The following IL27RA variants were observed in gnomAD, a reference collection of about 807,000 sequenced individuals.
IL27RA encodes the protein interleukin-27 receptor subunit alpha.
A neutral mutation model predicts 80.8 loss-of-function variants in IL27RA; 61 were observed. The observed-to-expected ratio is 0.76, with a 90% CI of 0.61 to 0.93. IL27RA has a LOEUF of 0.93. Ranked by LOEUF, IL27RA falls within the 40% of genes least tolerant of loss-of-function variation. IL27RA has a pLI of 0.00. For missense variants in IL27RA, 735 were observed against 808.1 expected, an observed-to-expected ratio of 0.91 and a Z score of 1.10; for synonymous variants, 316 against 332.5, an observed-to-expected ratio of 0.95 and a Z score of 0.54.
At chr19:14,034,177 GTGAA>G (rs1975863530) in intron 2 of IL27RA, among the ~76,000 whole-genome samples, 2 of 152,104 alleles carry the variant, frequency 1.3e-5, no homozygotes, top group African/African-American at 2.4e-5. Flanking sequence ...GGATGCTGCA[GTGAA>G]AGAGGTAGAC....
chr19:14,042,658 C>T, intron 5 of IL27RA, 46 bp downstream of exon 5: 1 of 1,614,048 alleles, frequency 6.2e-7, no homozygotes. Context: ...CTCCCACCCC[C>T]AGAAGTCTGT....
chr19:14,051,867 C>A lies in IL27RA; in HGVS notation c.1623-13C>A. The A allele has an allele frequency of 6.4e-7, 1 of 1,571,442 alleles. No individual in the cohort carries two copies. Among genetic ancestry groups the A allele is most frequent in the Middle Eastern group, 1.7e-4 (1 of 6,008 alleles). On this transcript the variant is annotated splice_polypyrimidine_tract_variant and intron_variant, in intron 12 of 13. Coordinates refer to ENST00000263379, the MANE Select transcript of IL27RA (RefSeq NM_004843.4). ...ATCTGGATCTGCTGCCCTGACTACT[C>A]CTGTCTTGCCAGGTGCTACCACCTA...
chr19:14,049,582 ATT>A (rs767841478), intron 10 of IL27RA, among the ~76,000 whole-genome samples: 21 of 136,754 alleles, frequency 1.5e-4, no homozygotes, highest in African/African-American at 2.1e-4. Context: ...GTATGGTTCC[ATT>A]TTTTTTTTTT....
At chr19:14,050,605 G>A (rs1009730939) in intron 10 of IL27RA, among the ~76,000 whole-genome samples, 153 bp from the exon 11 acceptor site, 1 of 152,088 alleles carries the variant, frequency 6.6e-6, no homozygotes, top group Non-Finnish European at 1.5e-5. Flanking sequence ...AAGCCTCACG[G>A]AAGAGGTGAC....
At position 14,049,160 on chromosome 19, in the gene IL27RA, C is replaced by G. The variant is rs1450981845; in HGVS notation, c.1248C>G (p.Pro416=). 6 of 1,613,892 alleles carry G rather than the reference C, an allele frequency of 3.7e-6. No homozygotes were observed. Among genetic ancestry groups the G allele is most frequent in the Admixed American group, 3.3e-5 (2 of 60,000 alleles). ...SVWGFREELA[P]LVGPTLWRLQ... is the part of the protein sequence containing the mutation. Reference sequence around the variant, plus strand: ...ACCTACTGCCTTCCTCCCCAGCACCCCTAGTGGGGCCAACGCTTTGGCGAC... The same window carrying G: ...ACCTACTGCCTTCCTCCCCAGCACCGCTAGTGGGGCCAACGCTTTGGCGAC... The change falls in exon 10 of 14, where the codon CCC becomes CCG. Residue 416 remains proline (P), a synonymous_variant. Transcript: ENST00000263379.
chr19:14,049,373 C>A, intron 10 of IL27RA, 59 bp downstream of exon 10: 1 of 1,556,300 alleles, frequency 6.4e-7, no homozygotes, highest in Non-Finnish European at 8.7e-7. Context: ...ACCCATCAGT[C>A]AGCCCCACCC....
intron 11 of IL27RA, 97 bp from the exon 12 acceptor site, chr19:14,051,510 C>T: frequency 1.6e-6 from 1 of 608,422 alleles, no homozygotes; most frequent in Non-Finnish European, 2.5e-6. Context: ...CCACTGCACT[C>T]CAGCCTGGGT....
At chr19:14,051,736 G>A (rs769270098) in intron 12 of IL27RA, 36 bp downstream of exon 12, 5 of 1,522,144 alleles carry the variant, frequency 3.3e-6, no homozygotes, top group Non-Finnish European at 3.6e-6. Flanking sequence ...CTACCCACGT[G>A]GGGAAGGCAG....
At chr19:14,048,529 G>A (rs923340637) in intron 8 of IL27RA, among the ~76,000 whole-genome samples, 5 of 152,118 alleles carry the variant, frequency 3.3e-5, no homozygotes, top group Admixed American at 6.6e-5. Context: ...CACCTCAGAG[G>A]TTTTAGGCCT....
intron 8 of IL27RA, among the ~76,000 whole-genome samples, chr19:14,048,282 AAATAAATAAATT>A (rs1231030142): frequency 2.8e-5 from 4 of 141,954 alleles, no homozygotes; most frequent in African/African-American, 7.7e-5. Context: ...ATAAATAAAT[AAATAAATAAATT>A]AATTAATTAA....
chr19:14,047,814 C>T (rs374232476), intron 8 of IL27RA, among the ~76,000 whole-genome samples: 18 of 142,478 alleles, frequency 1.3e-4, no homozygotes, highest in East Asian at 2.1e-4. Flanking sequence ...CCACCACGCC[C>T]GGCTAATTTT....
intron 1 of IL27RA, 93 bp downstream of exon 1, chr19:14,032,065 C>A: frequency 8.8e-7 from 1 of 1,139,852 alleles, no homozygotes; most frequent in Non-Finnish European, 1.3e-6. Flanking sequence ...GTATGCAGAG[C>A]GAACGGTAGA....
Position 14,049,155 on chromosome 19 carries a change from G to A in IL27RA, c.1244-1G>A. ...CCTTGACCTACTGCCTTCCTCCCCA[G>A]CACCCCTAGTGGGGCCAACGCTTTG... On this transcript the variant is annotated splice_acceptor_variant, in intron 9 of 13. Coordinates refer to ENST00000263379, the MANE Select transcript of IL27RA (RefSeq NM_004843.4). LOFTEE classifies it high-confidence loss of function. 1 of 1,613,402 alleles carries A rather than the reference G, an allele frequency of 6.2e-7. No homozygotes were observed. The highest frequency in any genetic ancestry group is 8.5e-7 in the Non-Finnish European group (1 of 1,179,590).
At chr19:14,045,120 C>CA (rs35398034) in intron 6 of IL27RA, among the ~76,000 whole-genome samples, 2,648 of 94,504 alleles carry the variant, frequency 0.028, 31 homozygotes, top group Middle Eastern at 0.047. Flanking sequence ...ACTCTGTCTC[C>CA]AAAAAAAAAA....
intron 2 of IL27RA, 95 bp downstream of exon 2, chr19:14,032,598 G>A (rs1975835656): frequency 1.6e-6 from 1 of 613,880 alleles, no homozygotes; most frequent in African/African-American, 2.0e-5. Context: ...AGTCAAGCCT[G>A]GCCAACATGG....
In IL27RA at chr19:14,051,651, T is replaced by C; in HGVS notation, c.1573T>C (p.Trp525Arg). Reference sequence around the variant, plus strand: ...AGTTCTGCCGGGCATCCTATTCTTGTGGGGCTTGTTCCTGTTGGGGTGTGG... The same window carrying C: ...AGTTCTGCCGGGCATCCTATTCTTGCGGGGCTTGTTCCTGTTGGGGTGTGG... ...WKVLPGILFL[W>R]GLFLLGCGLS... The change falls in exon 12 of 14, where the codon TGG (tryptophan) becomes CGG (arginine). Residue 525 changes from tryptophan to arginine, a missense_variant. By Grantham distance (101) the Trp-to-Arg change is moderately radical. Transcript: ENST00000263379. 3 of 1,613,280 alleles carry C rather than the reference T, an allele frequency of 1.9e-6. No individual in the cohort carries two copies. The highest frequency in any genetic ancestry group is 2.5e-6 in the Non-Finnish European group (3 of 1,179,506).
intron 11 of IL27RA, 118 bp downstream of exon 11, chr19:14,051,001 C>G: frequency 9.0e-7 from 1 of 1,105,326 alleles, no homozygotes; most frequent in South Asian, 1.9e-5. Flanking sequence ...GTAATCCTAA[C>G]ACTCTGGGAG....
intron 2 of IL27RA, among the ~76,000 whole-genome samples, chr19:14,034,659 A>T (rs969405380): frequency 5.2e-5 from 3 of 58,202 alleles, no homozygotes; most frequent in Non-Finnish European, 8.6e-5. Flanking sequence ...GACTCTGTCT[A>T]AAAAAAAAAA....
chr19:14,038,327 G>A (rs1975935288), intron 2 of IL27RA, among the ~76,000 whole-genome samples: 1 of 152,000 alleles, frequency 6.6e-6, no homozygotes, highest in African/African-American at 2.4e-5. Context: ...AACATTTTTT[G>A]TAGACATGGG....
Sources: allele counts gnomAD v4.1 joint callset (sites outside exome capture counted in the v4.1 genomes callset), GRCh38; gene constraint gnomAD v4.1.1; transcripts MANE v1.5; gene names NCBI Gene and HGNC (gene_info 2026-07-23, HGNC 2026-07-21).